The following RASGEF1A variants were observed in gnomAD, a reference collection of about 807,000 sequenced individuals.
The protein encoded by RASGEF1A is ras-GEF domain-containing family member 1A.
In RASGEF1A, 18 loss-of-function variants were observed where a neutral mutation model predicts 56.4. The ratio of observed to expected loss-of-function variants is 0.32; its 90% CI spans 0.22 to 0.47. The LOEUF is 0.47. Among genes scored for constraint, RASGEF1A ranks in the 20% least tolerant of loss-of-function variants. The probability of loss-of-function intolerance (pLI) is 1.00; values close to 1 mark genes in which losing one functional copy is unlikely to be tolerated. For synonymous variants in RASGEF1A, 245 were observed against 242.6 expected, an observed-to-expected ratio of 1.01 and a Z score of -0.09; for missense variants, 422 against 627.1, an observed-to-expected ratio of 0.67 and a Z score of 3.49.
At chr10:43,219,792 A>G (rs79281430) in intron 1 of RASGEF1A, among the ~76,000 whole-genome samples, 1,738 of 152,352 alleles carry the variant, frequency 0.011, 31 homozygotes, top group African/African-American at 0.039. Context: ...GGAATAAAAG[A>G]CATATGGTTC....
intron 1 of RASGEF1A, chr10:43,207,183 C>T: frequency 2.0e-6 from 2 of 985,502 alleles, no homozygotes; most frequent in Non-Finnish European, 2.4e-6. Flanking sequence ...GCCTCAACCT[C>T]CTGGCCCTCA....
chr10:43,252,451 C>T (rs926898970), intron 1 of RASGEF1A, among the ~76,000 whole-genome samples: 7 of 151,892 alleles, frequency 4.6e-5, no homozygotes, highest in South Asian at 2.1e-4. Context: ...CGGGACAGGC[C>T]GGGGCTCGGC....
intron 1 of RASGEF1A, among the ~76,000 whole-genome samples, chr10:43,259,300 T>C (rs1242366281): frequency 1.3e-5 from 2 of 152,168 alleles, no homozygotes; most frequent in African/African-American, 4.8e-5. Flanking sequence ...GCCTCTTTTC[T>C]GGGGGTAGTA....
At chr10:43,226,544 G>A (rs186911520) in intron 1 of RASGEF1A, among the ~76,000 whole-genome samples, 55 of 151,146 alleles carry the variant, frequency 3.6e-4, no homozygotes, top group Admixed American at 1.1e-3. Flanking sequence ...GACTGTCCCC[G>A]GGTTCCCTCA....
At chr10:43,199,976 T>C (rs1258913607) in intron 6 of RASGEF1A, among the ~76,000 whole-genome samples, 1 of 152,238 alleles carries the variant, frequency 6.6e-6, no homozygotes, top group Non-Finnish European at 1.5e-5. Flanking sequence ...GCATTCATCA[T>C]CCATGACCAG....
chr10:43,244,671 A>C (rs1840550496), intron 1 of RASGEF1A, among the ~76,000 whole-genome samples: 1 of 138,582 alleles, frequency 7.2e-6, no homozygotes, highest in African/African-American at 2.6e-5. Context: ...AATATGTGGA[A>C]ATTACACAAC....
At chr10:43,226,849 T>C (rs972936742) in intron 1 of RASGEF1A, among the ~76,000 whole-genome samples, 1 of 152,226 alleles carries the variant, frequency 6.6e-6, no homozygotes, top group African/African-American at 2.4e-5. Context: ...TCAGCATCCC[T>C]TGAGGCCTTT....
chr10:43,196,161 C>G lies in RASGEF1A; in HGVS notation c.*83G>C. 154 of 1,243,134 alleles carry G rather than the reference C, an allele frequency of 1.2e-4. No individual in the cohort carries two copies. Among genetic ancestry groups the G allele is most frequent in the Middle Eastern group, 1.9e-4 (1 of 5,264 alleles). 77.0% of individuals were successfully genotyped at this position (1,243,134 alleles called of 1,614,324 possible). On this transcript the variant is annotated 3_prime_UTR_variant, in exon 13 of 13. Coordinates refer to ENST00000395810, the MANE Select transcript of RASGEF1A (RefSeq NM_145313.4). The surrounding 1 kb of genome is among the most constrained non-coding windows in gnomAD (Gnocchi z 4.6). The stretch of plus-strand genomic sequence containing the variant: ...ACAAAATGGACCCCAACCAGTGAGG[C>G]CTCCTCATCTCAACCCACATCAGTC...
chr10:43,208,345 T>TC, intron 1 of RASGEF1A: 1 of 985,874 alleles, frequency 1.0e-6, no homozygotes, highest in Non-Finnish European at 1.2e-6. Context: ...CCCCAGCCGA[T>TC]CCCCCACAGG....
chr10:43,266,091 A>G (rs1031674211), intron 1 of RASGEF1A, among the ~76,000 whole-genome samples: 2 of 152,082 alleles, frequency 1.3e-5, no homozygotes, highest in Non-Finnish European at 2.9e-5. Context: ...GTAAATATCC[A>G]CCAGGTCCAG....
rs974527887 is a variant in RASGEF1A at position 43,206,881 on chromosome 10, C to G, written c.-6-759G>C. ...CTTTGGGGCCTGTGAGTCTGAGTGC[C>G]CCTGAGCTGCAGATGTCTGAGCAGC... On this transcript the variant is annotated intron_variant, in intron 1 of 12. Coordinates refer to ENST00000395810, the MANE Select transcript of RASGEF1A (RefSeq NM_145313.4). The G allele has an allele frequency of 8.1e-6, 8 of 985,768 alleles. No homozygotes were observed. In the African/African-American group the frequency reaches 1.2e-4, roughly 15 times the overall value. The allele number at this position is 985,768 out of a possible 1,614,324, so 61.1% of individuals were successfully genotyped here.
chr10:43,240,641 T>C (rs1401712934), intron 1 of RASGEF1A, among the ~76,000 whole-genome samples: 3 of 151,982 alleles, frequency 2.0e-5, no homozygotes, highest in Admixed American at 6.6e-5. Context: ...AATCAGTGAC[T>C]TGAAAAAACG....
At chr10:43,206,280 A>C (rs965129647) in intron 1 of RASGEF1A, among the ~76,000 whole-genome samples, 158 bp from the exon 2 acceptor site, 5 of 152,190 alleles carry the variant, frequency 3.3e-5, no homozygotes, top group Non-Finnish European at 7.4e-5. Context: ...AGGGCAGGGC[A>C]GGCGGGCTCC....
intron 1 of RASGEF1A, among the ~76,000 whole-genome samples, chr10:43,244,240 AAACAGGGCCGAAGGCCGC>A (rs1554828592): frequency 6.6e-6 from 1 of 151,774 alleles, no homozygotes; most frequent in Non-Finnish European, 1.5e-5. Context: ...CCAGGGACAC[AAACAGGGCCGAAGGCCGC>A]AGGGACCTCT....
At chr10:43,229,701 C>G in intron 1 of RASGEF1A, 1 of 1,428,230 alleles carries the variant, frequency 7.0e-7, no homozygotes, top group Non-Finnish European at 9.1e-7. Context: ...CGGCGTCCAG[C>G]GAGCGGCGGC....
chr10:43,203,078 C>T (rs1416880910), intron 3 of RASGEF1A, among the ~76,000 whole-genome samples: 3 of 143,204 alleles, frequency 2.1e-5, no homozygotes, highest in Non-Finnish European at 4.6e-5. Context: ...TGACCCCGAC[C>T]CTGCCCCAGC....
rs1482795274 is a variant in RASGEF1A, at chr10:43,196,420, C to G, written c.1421+56G>C. On this transcript the variant is annotated intron_variant, in intron 12 of 12. Coordinates refer to ENST00000395810, the MANE Select transcript of RASGEF1A (RefSeq NM_145313.4). This position sits in a 1 kb window ranked among gnomAD's most constrained non-coding sequence, Gnocchi z 4.6. ...CTTTCCAGGAGGGTAACCCTCGTGC[C>G]CACCCTGAGTCCTCCCTCTTCCTTA... 1 of 1,578,606 alleles carries G rather than the reference C, an allele frequency of 6.3e-7. No individual in the cohort carries two copies. The highest frequency in any genetic ancestry group is 1.3e-5 in the African/African-American group (1 of 74,180).
At chr10:43,234,970 G>A (rs1307239925) in intron 1 of RASGEF1A, among the ~76,000 whole-genome samples, 2 of 152,172 alleles carry the variant, frequency 1.3e-5, no homozygotes, top group Non-Finnish European at 2.9e-5. Context: ...CTGGGCAGAG[G>A]CCACTGATGG....
chr10:43,229,593 A>AC, intron 1 of RASGEF1A: 1 of 1,450,480 alleles, frequency 6.9e-7, no homozygotes, highest in South Asian at 1.3e-5. Flanking sequence ...ACAGCGCAAG[A>AC]ACCCTGCCCC....
Sources: gnomAD v4.1 joint callset for allele counts (sites outside exome capture counted in the v4.1 genomes callset) on GRCh38, gnomAD v4.1.1 for gene constraint, Gnocchi (gnomAD v3.1) non-coding constraint, MANE v1.5 for transcripts, NCBI Gene and HGNC (gene_info 2026-07-23, HGNC 2026-07-21) for gene names.